Variants in TCOF1 observed in about 807,000 individuals in gnomAD.
TCOF1 encodes treacle ribosome biogenesis factor 1.
A neutral mutation model predicts 149.0 loss-of-function variants in TCOF1; 33 were observed. The ratio of observed to expected loss-of-function variants is 0.22; its 90% confidence interval spans 0.17 to 0.30. The LOEUF is 0.30. Among genes scored for constraint, TCOF1 ranks in the 10% least tolerant of loss-of-function variants. The pLI, the probability that TCOF1 is intolerant of heterozygous loss-of-function variation, is 1.00. For missense variants in TCOF1, 1,728 were observed against 1,840.7 expected, an observed-to-expected ratio of 0.94 and a Z score of 1.12; for synonymous variants, 789 against 738.8, an observed-to-expected ratio of 1.07 and a Z score of -1.10.
Position 150,388,045 on chromosome 5 carries a change from C to T in TCOF1, c.3003C>T (p.Ser1001=), listed in dbSNP as rs149702578. ...CAGCCAGGAGCTCCTCCTCCGAGAG[C>T]GAGGATGAGGACGTGATCCCCGCTA... is the stretch of plus-strand genomic sequence containing the variant. ...ESTARSSSSE[S]EDEDVIPATQ... The change falls in exon 18 of 27, where the codon AGC becomes AGT. Residue 1001 remains serine, a synonymous_variant. Transcript: ENST00000643257. 46 of 1,613,710 alleles carry T rather than the reference C, an allele frequency of 2.9e-5. No homozygotes were observed. The African/African-American group carries it at 4.3e-4, about 15-fold the overall frequency.
At chr5:150,388,770 T>C (rs1388874968) in intron 18 of TCOF1, among the ~76,000 whole-genome samples, 1 of 149,944 alleles carries the variant, frequency 6.7e-6, no homozygotes, top group African/African-American at 2.5e-5. Context: ...AAACCCCGTC[T>C]CTACTAAAAA....
At position 150,368,665 on chromosome 5, in the gene TCOF1, C is replaced by G. The variant is rs191311930; in HGVS notation, c.379-51C>G. ...GGTTCAGATGCAAGTGGCCTGTGCTCTTAGTTCACCATGCCATACCAGATG... is the reference window on the plus strand; with the variant it reads ...GGTTCAGATGCAAGTGGCCTGTGCTGTTAGTTCACCATGCCATACCAGATG... On this transcript the variant is annotated intron_variant, in intron 4 of 26. Transcript: ENST00000643257. The G allele has an allele frequency of 5.3e-5, 85 of 1,607,968 alleles. No homozygotes were observed. In the African/African-American group the frequency reaches 1.1e-3, roughly 20 times the overall value.
At chr5:150,389,125 ATATATGTGTG>A (rs1452464274) in intron 18 of TCOF1, among the ~76,000 whole-genome samples, 5 of 152,296 alleles carry the variant, frequency 3.3e-5, no homozygotes, top group African/African-American at 1.2e-4. Flanking sequence ...ATACTTATAC[ATATATGTGTG>A]TATGTGTGTG....
At chr5:150,361,519 A>G (rs1760088329) in intron 2 of TCOF1, among the ~76,000 whole-genome samples, 2 of 152,222 alleles carry the variant, frequency 1.3e-5, no homozygotes, top group African/African-American at 4.8e-5. Flanking sequence ...TAGTATGCAA[A>G]TATTGTCACA....
chr5:150,359,909 A>C (rs1759644193), intron 1 of TCOF1, among the ~76,000 whole-genome samples: 1 of 152,186 alleles, frequency 6.6e-6, no homozygotes, highest in South Asian at 2.1e-4. Flanking sequence ...TCTCATTGAG[A>C]AGGTGTCATT....
In TCOF1 at chr5:150,375,836, A is replaced by C. The variant is rs777672775; in HGVS notation, c.1820A>C (p.Asn607Thr). The C allele has an allele frequency of 7.4e-6, 12 of 1,614,016 alleles. No individual in the cohort carries two copies. The highest frequency in any genetic ancestry group is 5.3e-5 in the African/African-American group (4 of 74,910). The part of the protein sequence containing the change: ...VQVKAEKPMD[N>T]SESSEESSDS... ...GTCAAGGCTGAAAAGCCCATGGACA[A>C]CTCGGAGAGCAGCGAGGAGTCATCG... is the stretch of plus-strand genomic sequence containing the variant. Residue 607 changes from asparagine to threonine, a missense_variant, in exon 12 of 27, where the codon AAC becomes ACC. Asn to Thr is a moderately conservative substitution (Grantham distance 65). This residue lies in a region of TCOF1 where 1,696 missense variants were observed against 1,765.4 expected (regional missense o/e 0.96). Coordinates refer to ENST00000643257, the MANE Select transcript of TCOF1 (RefSeq NM_001371623.1).
In TCOF1 at chr5:150,375,453, T is replaced by G; in HGVS notation, c.1603T>G (p.Ser535Ala). 1 of 1,611,428 alleles carries G rather than the reference T, an allele frequency of 6.2e-7. No homozygotes were observed. The highest frequency in any genetic ancestry group is 8.5e-7 in the Non-Finnish European group (1 of 1,179,032). ...PPGKVGPATP[S>A]AQVGKWEEDS... ...CGGGAAGGTGGGGCCTGCAACCCCC[T>G]CAGCCCAGGTGGGGAAGTGGGAGGA... Residue 535 changes from serine to alanine, a missense_variant, in exon 11 of 27, where the codon TCA becomes GCA. Coordinates refer to ENST00000643257, the MANE Select transcript of TCOF1 (RefSeq NM_001371623.1).
Position 150,372,117 on chromosome 5 carries a change from C to G in TCOF1, c.751C>G (p.Gln251Glu). Residue 251 changes from glutamine (Q) to glutamate (E), a missense_variant, in exon 7 of 27, where the codon CAG becomes GAG. Coordinates refer to ENST00000643257, the MANE Select transcript of TCOF1 (RefSeq NM_001371623.1). ...TGGGAAGGTGGGGGATGTGACACCC[C>G]AGGTCAAAGGAGGGGCCCTGCCCCC... ...APGKVGDVTP[Q>E]VKGGALPPAK... The G allele has an allele frequency of 6.2e-7, 1 of 1,614,218 alleles. No individual in the cohort carries two copies. The highest frequency in any genetic ancestry group is 2.2e-5 in the East Asian group (1 of 44,880).
chr5:150,358,883 C>G (rs1759322119), intron 1 of TCOF1, among the ~76,000 whole-genome samples: 1 of 151,572 alleles, frequency 6.6e-6, no homozygotes, highest in Non-Finnish European at 1.5e-5. Flanking sequence ...TCAGGAATAG[C>G]TGAGGTGTAA....
intron 17 of TCOF1, among the ~76,000 whole-genome samples, chr5:150,382,462 G>C (rs1279125695): frequency 1.3e-5 from 2 of 152,176 alleles, no homozygotes; most frequent in African/African-American, 4.8e-5. Flanking sequence ...TGGAAGCTCA[G>C]GCAGCCTGGG....
Position 150,392,645 on chromosome 5 carries a change from T to C in TCOF1, c.3518-60T>C, listed in dbSNP as rs554082779. 126 of 1,562,998 alleles carry C rather than the reference T, an allele frequency of 8.1e-5. No individual in the cohort carries two copies. In the South Asian group the frequency reaches 1.3e-3, roughly 16 times the overall value. ...AGACCAGGGCCTTCCTGAAGGGCTC[T>C]GCCCTTCCCGGCTGGCAGGGGCCAC... is the stretch of plus-strand genomic sequence containing the variant. On this transcript the variant is annotated intron_variant, in intron 21 of 26. Transcript: ENST00000643257.
Position 150,372,070 on chromosome 5 carries a change from C to G in TCOF1, c.704C>G (p.Ala235Gly), listed in dbSNP as rs1762658964. 6.2e-7 allele frequency: 1 copy of G among 1,614,122 alleles called. No individual in the cohort carries two copies. Among genetic ancestry groups the G allele is most frequent in the African/African-American group, 1.3e-5 (1 of 74,950 alleles). The change falls in exon 7 of 27, where the codon GCA becomes GGA. Residue 235 changes from alanine (A) to glycine (G), a missense_variant. Coordinates refer to ENST00000643257, the MANE Select transcript of TCOF1 (RefSeq NM_001371623.1). ...TCAGTTTCTACTAAGGAGTCTCCAGCAAGAAAGGCGGCCCCAGCCCCTGGG... is the reference window on the plus strand; with the variant it reads ...TCAGTTTCTACTAAGGAGTCTCCAGGAAGAAAGGCGGCCCCAGCCCCTGGG... ...ASSVSTKESPARKAAPAPGKV... is the reference protein window; with the variant it reads ...ASSVSTKESPGRKAAPAPGKV...
chr5:150,361,293 G>A, intron 2 of TCOF1, 82 bp downstream of exon 2: 1 of 1,538,492 alleles, frequency 6.5e-7, no homozygotes, highest in Non-Finnish European at 9.0e-7. Context: ...TACCTATCTG[G>A]TCTAAGATCT....
At chr5:150,371,569 G>GT (rs1422754759) in intron 6 of TCOF1, among the ~76,000 whole-genome samples, 2 of 152,212 alleles carry the variant, frequency 1.3e-5, no homozygotes, top group Non-Finnish European at 2.9e-5. Context: ...CCCAAGGTGT[G>GT]GCAAGCCAGT....
Position 150,393,418 on chromosome 5 carries a change from C to A in TCOF1, c.3650C>A (p.Ser1217Tyr). ...YMTPGLTPAN[S>Y]QASKATPKLD... ...ACCCCTGGACTAACCCCAGCCAATT[C>A]CCAGGCCTCAAAAGCCACTCCCAAG... The change falls in exon 23 of 27, where the codon TCC (serine) becomes TAC (tyrosine). Residue 1217 changes from serine to tyrosine, a missense_variant. Transcript: ENST00000643257. 6.2e-7 allele frequency: 1 copy of A among 1,614,156 alleles called. No homozygotes were observed. Among genetic ancestry groups the A allele is most frequent in the South Asian group, 1.1e-5 (1 of 91,086 alleles).
chr5:150,365,716 C>A (rs1305290204), intron 3 of TCOF1, among the ~76,000 whole-genome samples: 1 of 151,822 alleles, frequency 6.6e-6, no homozygotes, highest in Non-Finnish European at 1.5e-5. Context: ...TTGTTTGGGG[C>A]TTTTTTTGAT....
chr5:150,378,792 G>T (rs894758592), intron 14 of TCOF1, 113 bp from the exon 15 acceptor site: 38 of 1,491,104 alleles, frequency 2.5e-5, no homozygotes, highest in Non-Finnish European at 3.4e-5. Context: ...CACGCCTATT[G>T]CATGGAGGAG....
chr5:150,399,624 G>A (rs925810956), intron 26 of TCOF1, among the ~76,000 whole-genome samples, 186 bp from the exon 27 acceptor site: 2 of 152,162 alleles, frequency 1.3e-5, no homozygotes, highest in African/African-American at 4.8e-5. Flanking sequence ...TGGGCCAGTG[G>A]TGAGGCTTAT....
chr5:150,392,854 T>C (rs1435411947), intron 22 of TCOF1, 64 bp downstream of exon 22: 9 of 1,565,992 alleles, frequency 5.7e-6, no homozygotes, highest in African/African-American at 2.7e-5. Context: ...GCCAGGCTCC[T>C]GTCTACCCGA....
Sources: allele counts gnomAD v4.1 joint callset (sites outside exome capture counted in the v4.1 genomes callset), GRCh38; gene constraint gnomAD v4.1.1; regional missense constraint gnomAD v4.1.1; transcripts MANE v1.5; gene names NCBI Gene and HGNC (gene_info 2026-07-23, HGNC 2026-07-21).